Variants in KIFC3 observed in about 807,000 individuals in gnomAD.
KIFC3 encodes the protein kinesin-like protein KIFC3.
In KIFC3, 60 loss-of-function variants were observed where a neutral mutation model predicts 101.8. That is an observed-to-expected ratio of 0.59 (90% CI 0.48 to 0.73). KIFC3 has a LOEUF of 0.73. Among genes scored for constraint, KIFC3 ranks in the 30% least tolerant of loss-of-function variants. KIFC3 has a pLI of 0.00. For synonymous variants in KIFC3, 476 were observed against 482.7 expected (o/e 0.99, Z 0.18); for missense variants, 966 against 1,137.1 (o/e 0.85, Z 2.16).
intron 3 of KIFC3, among the ~76,000 whole-genome samples, chr16:57,789,933 C>T (rs2053705199): frequency 6.6e-6 from 1 of 151,868 alleles, no homozygotes; most frequent in Non-Finnish European, 1.5e-5. Flanking sequence ...GACAGGGTTT[C>T]ACCACGTTGG....
chr16:57,821,424 G>T (rs2149277354), intron 1 of KIFC3, among the ~76,000 whole-genome samples: 1 of 152,296 alleles, frequency 6.6e-6, no homozygotes, highest in Non-Finnish European at 1.5e-5. Context: ...TTTAGCTACA[G>T]CTACCACCAC....
chr16:57,859,781 G>A (rs1230367549), intron 1 of KIFC3, among the ~76,000 whole-genome samples: 4 of 151,970 alleles, frequency 2.6e-5, no homozygotes, highest in Non-Finnish European at 4.4e-5. Flanking sequence ...CAGCACTTCG[G>A]GAGGCTGAGG....
rs201079642 is a variant in KIFC3, at chr16:57,762,163, C to T, written c.1725G>A (p.Ala575=). ...DWEYTITVSA[A]EIYNEVLRDL... ...ACCTGAGGACCTCATTGTAGATCTC[C>T]GCAGCGCTGACGGTGATGGTGTACT... is the stretch of plus-strand genomic sequence containing the variant. Residue 575 remains alanine (A), a synonymous_variant, in exon 13 of 20, where the codon GCG becomes GCA. Coordinates refer to ENST00000445690, the MANE Select transcript of KIFC3 (RefSeq NM_001130100.2). 1.6e-5 allele frequency: 26 copies of T among 1,604,966 alleles called. No individual in the cohort carries two copies. Among genetic ancestry groups the T allele is most frequent in the South Asian group, 1.3e-4 (12 of 90,440 alleles).
chr16:57,841,720 G>A (rs771708361), intron 1 of KIFC3, among the ~76,000 whole-genome samples: 10 of 151,912 alleles, frequency 6.6e-5, no homozygotes, highest in Non-Finnish European at 1.0e-4. Flanking sequence ...CTTTCCCATC[G>A]CCCATGAGAC....
chr16:57,793,965 CCT>C (rs1555621488), intron 3 of KIFC3, among the ~76,000 whole-genome samples: 66 of 152,272 alleles, frequency 4.3e-4, no homozygotes, highest in Non-Finnish European at 2.4e-4. Flanking sequence ...GTATCTCTGC[CCT>C]GTTACAAGGC....
rs541916064 is a variant in KIFC3, at chr16:57,770,118, C to A, written c.940-163G>T. Among the ~76,000 whole-genome samples the A allele has an allele frequency of 7.9e-5, 12 of 152,350 alleles. No homozygotes were observed. In the South Asian group the frequency reaches 2.5e-3, roughly 32 times the overall value. On this transcript the variant is annotated intron_variant, in intron 7 of 19. Coordinates refer to ENST00000445690, the MANE Select transcript of KIFC3 (RefSeq NM_001130100.2). Reference sequence around the variant, plus strand: ...GAATGGCCTTGTCTCCCTCCCCCTACAGGGCTGTGAGCTCTGGGCATTGGC... The same window carrying A: ...GAATGGCCTTGTCTCCCTCCCCCTAAAGGGCTGTGAGCTCTGGGCATTGGC...
At position 57,765,650 on chromosome 16, in the gene KIFC3, T is replaced by C; in HGVS notation, c.1331-10A>G. 1.9e-6 allele frequency: 3 copies of C among 1,605,318 alleles called. No individual in the cohort carries two copies. The highest frequency in any genetic ancestry group is 2.6e-6 in the Non-Finnish European group (3 of 1,174,888). On this transcript the variant is annotated splice_polypyrimidine_tract_variant and intron_variant, in intron 10 of 19. Transcript: ENST00000445690. ...ATCACTCGGATGTTCCCTGGATTGGTTGGGGATGGGGAAATGGGTCCAGGC... is the reference window on the plus strand; with the variant it reads ...ATCACTCGGATGTTCCCTGGATTGGCTGGGGATGGGGAAATGGGTCCAGGC...
intron 3 of KIFC3, among the ~76,000 whole-genome samples, chr16:57,777,333 A>C (rs1354320147): frequency 2.6e-5 from 4 of 152,246 alleles, no homozygotes; most frequent in Non-Finnish European, 4.4e-5. Context: ...TTTCTAAAGA[A>C]ATAGAAAAAT....
At chr16:57,782,250 G>T in intron 3 of KIFC3, 1 of 633,852 alleles carries the variant, frequency 1.6e-6, no homozygotes, top group Non-Finnish European at 2.0e-6. Flanking sequence ...TTTAGAGACT[G>T]GGAAGTGAAG....
At chr16:57,838,659 G>A (rs553268213) in intron 1 of KIFC3, among the ~76,000 whole-genome samples, 1 of 152,340 alleles carries the variant, frequency 6.6e-6, no homozygotes, top group East Asian at 1.9e-4. Flanking sequence ...GAAATTGATG[G>A]TGTTGCAGCT....
rs782129947 is a variant in KIFC3 at position 57,769,920 on chromosome 16, A to G, written c.975T>C (p.His325=). The G allele has an allele frequency of 3.7e-6, 6 of 1,613,564 alleles. 1 individual carries two copies. The South Asian group carries it at 5.5e-5, about 15-fold the overall frequency. The change falls in exon 8 of 20, where the codon CAT becomes CAC. Residue 325 remains histidine, a synonymous_variant. Transcript: ENST00000445690. This position sits in a 1 kb window ranked among gnomAD's most constrained non-coding sequence, Gnocchi z 4.3. ...AMYESELERA[H]GQMLEEMQSL... ...ACTGCATCTCCTCCAGCATCTGCCC[A>G]TGGGCCCGCTCCAGCTCTGACTCGT...
intron 16 of KIFC3, 120 bp from the exon 17 acceptor site, chr16:57,760,536 G>A: frequency 1.6e-6 from 2 of 1,245,056 alleles, no homozygotes; most frequent in Admixed American, 3.8e-5. Context: ...GGGATGGGGT[G>A]GGAGGGCAGG....
chr16:57,854,281 G>A (rs1375799929), intron 1 of KIFC3, among the ~76,000 whole-genome samples: 2 of 152,094 alleles, frequency 1.3e-5, no homozygotes, highest in African/African-American at 4.8e-5. Context: ...ACTCAACTAC[G>A]TGATGTCTAA....
Position 57,815,652 on chromosome 16 carries a change from G to A in KIFC3, c.109-17370C>T, listed in dbSNP as rs1214927554. 4 of 1,289,646 alleles carry A rather than the reference G, an allele frequency of 3.1e-6. No homozygotes were observed. The African/African-American group carries it at 6.1e-5, about 20-fold the overall frequency. The allele number at this position is 1,289,646 out of a possible 1,614,324, so 79.9% of individuals were successfully genotyped here. ...AAACGGAGGCTCCAAAAACGTAAGT[G>A]AAGTGGGTATTCCTGCTAAACACTC... On this transcript the variant is annotated intron_variant, in intron 1 of 2. Coordinates refer to the KIFC3 transcript ENST00000563028.
intron 3 of KIFC3, among the ~76,000 whole-genome samples, chr16:57,783,472 C>CTTTTTTTTTTTTTTTTT (rs146386887): frequency 2.4e-5 from 2 of 82,626 alleles, no homozygotes; most frequent in African/African-American, 7.0e-5. Flanking sequence ...ATTTTCTTTT[C>CTTTTTTTTTTTTTTTTT]TTTTTTTTTT....
intron 12 of KIFC3, among the ~76,000 whole-genome samples, chr16:57,762,765 C>T (rs34722062): frequency 0.073 from 11,078 of 152,188 alleles, 458 homozygotes; most frequent in South Asian, 0.12. Flanking sequence ...AGTCCCCACC[C>T]GGGACCTCGA....
intron 3 of KIFC3, chr16:57,788,620 G>A (rs1465635465): frequency 3.7e-5 from 48 of 1,289,396 alleles, no homozygotes; most frequent in East Asian, 5.6e-5. Flanking sequence ...CGGGCCTCCC[G>A]GGCCCGCCTG....
chr16:57,761,523 T>G lies in KIFC3; in HGVS notation c.1762A>C (p.Lys588Gln). The G allele has an allele frequency of 6.2e-7, 1 of 1,613,464 alleles. No individual in the cohort carries two copies. Residue 588 changes from lysine to glutamine, a missense_variant, in exon 14 of 20, where the codon AAA becomes CAA. Transcript: ENST00000445690. ...ATCTCCAGTTTTTCCTGAGGCTCTT[T>G]CCCTAGCAGGTCCCTGGAGGGGCAG... ...YNEVLRDLLG[K>Q]EPQEKLEIRL...
chr16:57,760,832 G>A lies in KIFC3; in HGVS notation c.2126C>T (p.Ala709Val), dbSNP rs147963864. Residue 709 changes from alanine (A) to valine (V), a missense_variant, in exon 16 of 20, where the codon GCT (alanine) becomes GTT (valine). By Grantham distance (64) the Ala-to-Val change is moderately conservative (BLOSUM62 0). Transcript: ENST00000445690. ...GTGGCCCTGGCGGGAGCGCAGGGCA[G>A]CAATGACGTCCCCCAGAGCCGACAG... ...KSLSALGDVIAALRSRQGHVP... is the reference protein window; with the variant it reads ...KSLSALGDVIVALRSRQGHVP... 4 of 1,613,404 alleles carry A rather than the reference G, an allele frequency of 2.5e-6. No homozygotes were observed. Among genetic ancestry groups the A allele is most frequent in the Non-Finnish European group, 3.4e-6 (4 of 1,179,998 alleles).
Sources: gnomAD v4.1 joint callset for allele counts (sites outside exome capture counted in the v4.1 genomes callset) on GRCh38, gnomAD v4.1.1 for gene constraint, Gnocchi (gnomAD v3.1) non-coding constraint, MANE v1.5 for transcripts, NCBI Gene and HGNC (gene_info 2026-07-23, HGNC 2026-07-21) for gene names.